The following FCN2 variants were observed in gnomAD, a reference collection of about 807,000 sequenced individuals.
The protein encoded by FCN2 is ficolin-2.
In FCN2, 31 loss-of-function variants were observed where a neutral mutation model predicts 32.5. The ratio of observed to expected loss-of-function variants is 0.96; its 90% confidence interval spans 0.72 to 1.29. The LOEUF (loss-of-function observed/expected upper bound fraction) is 1.29. Among genes scored for constraint, FCN2 ranks in the 50% most tolerant of loss-of-function variants. FCN2 has a pLI of 0.00. For missense variants in FCN2, 412 were observed against 406.5 expected (o/e 1.01, Z -0.12); for synonymous variants, 181 against 164.5 (o/e 1.10, Z -0.77).
the FCN2 span, among the ~76,000 whole-genome samples, chr9:134,874,029 G>A: frequency 6.6e-5 from 10 of 151,866 alleles, no homozygotes; most frequent in Admixed American, 2.6e-4. Context: ...TCATGCCTCA[G>A]CTTCCTAAGT....
At chr9:134,884,611 G>A (rs1830715689) in intron 3 of FCN2, 129 bp from the exon 4 acceptor site, 1 of 904,504 alleles carries the variant, frequency 1.1e-6, no homozygotes, top group South Asian at 1.4e-5. Flanking sequence ...CAGGGTCAGG[G>A]ACTCCTTGGC....
At chr9:134,868,081 C>T in the FCN2 span, among the ~76,000 whole-genome samples, 6 of 152,172 alleles carry the variant, frequency 3.9e-5, no homozygotes, top group Non-Finnish European at 5.9e-5. The surrounding 1 kb of genome is among the most constrained non-coding windows in gnomAD (Gnocchi z 4.3). Flanking sequence ...TCCCCTAGAT[C>T]GGGGTGGCCT....
At chr9:134,871,506 C>T in the FCN2 span, among the ~76,000 whole-genome samples, 3 of 152,234 alleles carry the variant, frequency 2.0e-5, no homozygotes, top group East Asian at 1.9e-4. Context: ...CCCCTGTGAC[C>T]GCACGCTGAG....
intron 1 of FCN2, among the ~76,000 whole-genome samples, chr9:134,881,693 C>G (rs556388265): frequency 2.0e-5 from 3 of 152,282 alleles, no homozygotes; most frequent in African/African-American, 7.2e-5. Context: ...ACTAGCATCG[C>G]ATTCAAGGAG....
chr9:134,885,303 C>T lies in FCN2; in HGVS notation c.366C>T (p.Tyr122=). ...TCCTGAGCGGCTGGCACACCATCTA[C>T]CTGCCCGACTGCCGGCCCCTGACTG... ...GHFLSGWHTI[Y]LPDCRPLTVL... Residue 122 remains tyrosine, a synonymous_variant, in exon 5 of 8, where the codon TAC becomes TAT. Transcript: ENST00000291744. The T allele has an allele frequency of 6.2e-7, 1 of 1,614,142 alleles. No individual in the cohort carries two copies.
chr9:134,883,116 G>A (rs1224329300), intron 2 of FCN2, among the ~76,000 whole-genome samples, 186 bp from the exon 3 acceptor site: 1 of 152,224 alleles, frequency 6.6e-6, no homozygotes, highest in Admixed American at 6.5e-5. Flanking sequence ...AGAGCCCCGT[G>A]AGGCCTGGGT....
the FCN2 span, among the ~76,000 whole-genome samples, chr9:134,867,826 T>G: frequency 6.6e-6 from 1 of 152,084 alleles, no homozygotes; most frequent in Non-Finnish European, 1.5e-5. Context: ...GGAGGGAAAA[T>G]GCTTTGTCAG....
At chr9:134,864,376 C>T in the FCN2 span, among the ~76,000 whole-genome samples, 6 of 152,282 alleles carry the variant, frequency 3.9e-5, no homozygotes, top group East Asian at 1.9e-4. Flanking sequence ...AAGCCAGGCT[C>T]GTTAAGTGGG....
upstream of FCN2, among the ~76,000 whole-genome samples, chr9:134,875,989 C>T (rs1381439418): frequency 6.6e-6 from 1 of 152,298 alleles, no homozygotes; most frequent in Middle Eastern, 3.4e-3. Flanking sequence ...GAGCCTTTTT[C>T]ATCTGGAATG....
the FCN2 span, among the ~76,000 whole-genome samples, chr9:134,865,309 C>A: frequency 6.6e-6 from 1 of 152,340 alleles, no homozygotes; most frequent in East Asian, 1.9e-4. Context: ...TGCAGCCATG[C>A]TGGAGTACGT....
chr9:134,882,525 G>A lies in FCN2; in HGVS notation c.101-1G>A. 1 of 1,613,508 alleles carries A rather than the reference G, an allele frequency of 6.2e-7. No homozygotes were observed. The highest frequency in any genetic ancestry group is 8.5e-7 in the Non-Finnish European group (1 of 1,179,428). On this transcript the variant is annotated splice_acceptor_variant, in intron 1 of 7. Coordinates refer to ENST00000291744, the MANE Select transcript of FCN2 (RefSeq NM_004108.3). LOFTEE classifies it high-confidence loss of function. ...GAGTGGCCACCTGTGTTTTTCTGCA[G>A]AGGTGAAGATGGTGGGCCTGGAGGG...
Position 134,886,557 on chromosome 9 carries a change from C to T in FCN2, c.687C>T (p.Gly229=). Residue 229 remains glycine (G), a synonymous_variant, in exon 7 of 8, where the codon GGC becomes GGT. Coordinates refer to ENST00000291744, the MANE Select transcript of FCN2 (RefSeq NM_004108.3). ...TGGTCCTGGGGGCCTTCGTGGAGGG[C>T]AGTGCGGGTGAGTGTCTGCTTGGGG... ...YNLVLGAFVE[G]SAGDSLTFHN... 6.2e-7 allele frequency: 1 copy of T among 1,613,966 alleles called. No homozygotes were observed. The highest frequency in any genetic ancestry group is 8.5e-7 in the Non-Finnish European group (1 of 1,179,952).
the FCN2 span, among the ~76,000 whole-genome samples, chr9:134,865,682 G>C: frequency 6.6e-6 from 1 of 152,130 alleles, no homozygotes; most frequent in African/African-American, 2.4e-5. Flanking sequence ...CATGTCTCTG[G>C]TGAGAGCACC....
chr9:134,873,025 A>G, the FCN2 span, among the ~76,000 whole-genome samples: 1 of 151,982 alleles, frequency 6.6e-6, no homozygotes. Context: ...CTTATGACTG[A>G]TGACGTTGAG....
Position 134,885,348 on chromosome 9 carries a change from G to A in FCN2, c.411G>A (p.Thr137=), listed in dbSNP as rs779467564. The A allele has an allele frequency of 1.6e-5, 26 of 1,613,850 alleles. No homozygotes were observed. Among genetic ancestry groups the A allele is most frequent in the Admixed American group, 3.3e-5 (2 of 59,986 alleles). Residue 137 remains threonine, a synonymous_variant, in exon 5 of 8, where the codon ACG becomes ACA. Transcript: ENST00000291744. ...TGACTGTGCTCTGTGACATGGACAC[G>A]GACGGAGGGGGCTGGACCGTGAGTG... ...RPLTVLCDMD[T]DGGGWTVFQR...
the FCN2 span, among the ~76,000 whole-genome samples, chr9:134,873,554 C>T: frequency 6.6e-6 from 1 of 152,262 alleles, no homozygotes; most frequent in Non-Finnish European, 1.5e-5. Flanking sequence ...CCAGGATCAT[C>T]TCCCCGTGTC....
chr9:134,876,827 G>A (rs1390198452), upstream of FCN2, among the ~76,000 whole-genome samples: 2 of 152,170 alleles, frequency 1.3e-5, no homozygotes, highest in South Asian at 4.1e-4. Flanking sequence ...TACCCACCTC[G>A]ACCTCCCAAA....
chr9:134,880,666 A>T, upstream of FCN2: 1 of 679,476 alleles, frequency 1.5e-6, no homozygotes, highest in East Asian at 2.8e-5. Context: ...GGTAGGGAGC[A>T]GCCCTGGAGA....
At chr9:134,874,704 C>T in the FCN2 span, among the ~76,000 whole-genome samples, 2 of 152,090 alleles carry the variant, frequency 1.3e-5, no homozygotes, top group Non-Finnish European at 2.9e-5. Flanking sequence ...CTGTGTTTTT[C>T]CATATAAATT....
Sources: gnomAD v4.1 joint callset for allele counts (sites outside exome capture counted in the v4.1 genomes callset) on GRCh38, gnomAD v4.1.1 for gene constraint, Gnocchi (gnomAD v3.1) non-coding constraint, MANE v1.5 for transcripts, NCBI Gene and HGNC (gene_info 2026-07-23, HGNC 2026-07-21) for gene names.